The following GRID1 variants were observed in gnomAD, a reference collection of about 807,000 sequenced individuals.
GRID1 encodes the protein glutamate ionotropic receptor delta type subunit 1.
In GRID1, 28 loss-of-function variants were observed where a neutral mutation model predicts 98.0. That is an observed-to-expected ratio of 0.29 (90% CI 0.21 to 0.39). The LOEUF (loss-of-function observed/expected upper bound fraction) is 0.39. GRID1 is among the 10% of genes least tolerant of loss of function. GRID1 has a pLI of 1.00. For missense variants in GRID1, 1,111 were observed against 1,340.5 expected (o/e 0.83, Z 2.67); for synonymous variants, 553 against 538.5 (o/e 1.03, Z -0.37).
At chr10:85,704,725 C>T (rs1841495104) in intron 12 of GRID1, among the ~76,000 whole-genome samples, 2 of 152,196 alleles carry the variant, frequency 1.3e-5, no homozygotes, top group Admixed American at 1.3e-4. Context: ...GGAAGTAAGG[C>T]ACGCCTCAGC....
intron 12 of GRID1, among the ~76,000 whole-genome samples, chr10:85,680,373 C>T (rs570347035): frequency 4.0e-4 from 61 of 152,298 alleles, no homozygotes; most frequent in African/African-American, 1.0e-3. Context: ...AGCCTATTCA[C>T]GCAGCTCATC....
intron 3 of GRID1, among the ~76,000 whole-genome samples, chr10:86,205,787 C>T (rs746189416): frequency 6.6e-6 from 1 of 152,192 alleles, no homozygotes; most frequent in Non-Finnish European, 1.5e-5. Flanking sequence ...GGTTTCCTAA[C>T]AAGCAAATTA....
intron 12 of GRID1, among the ~76,000 whole-genome samples, chr10:85,712,958 A>G (rs1191990263): frequency 6.6e-6 from 1 of 151,810 alleles, no homozygotes; most frequent in Non-Finnish European, 1.5e-5. Context: ...TTAAAACTAC[A>G]TTAAAAAAGA....
intron 12 of GRID1, among the ~76,000 whole-genome samples, chr10:85,653,330 T>C (rs372167778): frequency 9.9e-5 from 15 of 152,216 alleles, no homozygotes; most frequent in African/African-American, 3.6e-4. Flanking sequence ...GGGTGGATTT[T>C]GAGCCATTGG....
chr10:86,326,040 A>T (rs550411487), intron 2 of GRID1, among the ~76,000 whole-genome samples: 8 of 152,388 alleles, frequency 5.2e-5, no homozygotes, highest in Admixed American at 2.0e-4. Flanking sequence ...GCAAAACTCA[A>T]GGATATAAAA....
intron 5 of GRID1, among the ~76,000 whole-genome samples, chr10:85,913,840 G>A (rs920952784): frequency 1.3e-5 from 2 of 152,102 alleles, no homozygotes; most frequent in Non-Finnish European, 2.9e-5. Flanking sequence ...GTTGTCCCTT[G>A]CCTCATAGAA....
chr10:85,767,101 G>A (rs1440818346), intron 8 of GRID1, among the ~76,000 whole-genome samples: 1 of 152,128 alleles, frequency 6.6e-6, no homozygotes, highest in Non-Finnish European at 1.5e-5. Context: ...TAGCGCATTT[G>A]GCAGAGTTAT....
intron 8 of GRID1, among the ~76,000 whole-genome samples, chr10:85,731,093 A>G (rs17399739): frequency 0.094 from 14,335 of 152,206 alleles, 848 homozygotes; most frequent in African/African-American, 0.16. Flanking sequence ...TCTGCACACT[A>G]AGCCCTGACT....
intron 8 of GRID1, among the ~76,000 whole-genome samples, chr10:85,767,943 C>T (rs554602959): frequency 6.6e-6 from 1 of 152,198 alleles, no homozygotes; most frequent in Non-Finnish European, 1.5e-5. Flanking sequence ...TTGCTGTTTG[C>T]AGAAAAAAAT....
intron 12 of GRID1, among the ~76,000 whole-genome samples, chr10:85,705,323 T>C (rs960034321): frequency 2.6e-5 from 4 of 152,106 alleles, no homozygotes; most frequent in Admixed American, 6.6e-5. Context: ...GAGAATACTA[T>C]AAACACCTCT....
At chr10:85,887,204 C>T (rs1177762824) in intron 5 of GRID1, among the ~76,000 whole-genome samples, 2 of 152,146 alleles carry the variant, frequency 1.3e-5, no homozygotes, top group Middle Eastern at 6.3e-3. Context: ...CCACCTAGGG[C>T]AAGGCAGACC....
chr10:85,906,653 G>T (rs1482996327), intron 5 of GRID1, among the ~76,000 whole-genome samples: 1 of 152,082 alleles, frequency 6.6e-6, no homozygotes, highest in Non-Finnish European at 1.5e-5. Context: ...AAACCCATGG[G>T]TCAAAGAAGG....
intron 5 of GRID1, among the ~76,000 whole-genome samples, chr10:85,901,338 A>C (rs1841384205): frequency 6.6e-6 from 1 of 151,738 alleles, no homozygotes; most frequent in Non-Finnish European, 1.5e-5. Context: ...GCTCTGCCTC[A>C]TGGGTTCACG....
chr10:85,626,839 C>A (rs1040415762), intron 13 of GRID1, among the ~76,000 whole-genome samples: 1 of 152,144 alleles, frequency 6.6e-6, no homozygotes, highest in Non-Finnish European at 1.5e-5. Flanking sequence ...ATTTTGCAAT[C>A]GGCTGGTGGG....
At chr10:86,078,920 G>C (rs1369295935) in intron 4 of GRID1, among the ~76,000 whole-genome samples, 1 of 152,222 alleles carries the variant, frequency 6.6e-6, no homozygotes, top group Non-Finnish European at 1.5e-5. Context: ...CCTGGACCCA[G>C]CTCTATGTCA....
At chr10:86,340,399 C>G (rs1043271464) in intron 2 of GRID1, among the ~76,000 whole-genome samples, 14 of 152,176 alleles carry the variant, frequency 9.2e-5, no homozygotes, top group African/African-American at 3.4e-4. Context: ...CACCACGGAT[C>G]TGACCAGACT....
intron 5 of GRID1, among the ~76,000 whole-genome samples, chr10:85,877,168 C>A (rs575914513): frequency 2.0e-5 from 3 of 152,254 alleles, no homozygotes; most frequent in Admixed American, 2.0e-4. Context: ...TAGGCTCCAC[C>A]TCTGGGGGCA....
chr10:86,295,243 C>G (rs1444918084), intron 2 of GRID1, among the ~76,000 whole-genome samples: 1 of 152,082 alleles, frequency 6.6e-6, no homozygotes, highest in Non-Finnish European at 1.5e-5. Context: ...CAGGAGATAA[C>G]ACAGTGTCCT....
intron 3 of GRID1, among the ~76,000 whole-genome samples, chr10:86,157,768 T>C (rs1263804977): frequency 1.3e-5 from 2 of 152,272 alleles, no homozygotes; most frequent in South Asian, 2.1e-4. Flanking sequence ...TCCTAAATTA[T>C]AAACGCAAGT....
Sources: allele counts gnomAD v4.1 joint callset (sites outside exome capture counted in the v4.1 genomes callset), GRCh38; gene constraint gnomAD v4.1.1; transcripts MANE v1.5; gene names NCBI Gene and HGNC (gene_info 2026-07-23, HGNC 2026-07-21).